SLIT2: variants seen among roughly 807,000 people sequenced by gnomAD.
SLIT2 encodes the protein slit homolog 2 protein.
SLIT2 carries 41 observed loss-of-function variants against 185.7 expected under a neutral mutation model. The ratio of observed to expected loss-of-function variants is 0.22; its 90% CI spans 0.17 to 0.29. The LOEUF (loss-of-function observed/expected upper bound fraction) is 0.29, where lower values mean the gene tolerates loss of function less well. Among genes scored for constraint, SLIT2 ranks in the 10% least tolerant of loss-of-function variants. SLIT2 has a pLI of 1.00. For missense variants in SLIT2, 1,571 were observed against 1,909.0 expected (o/e 0.82, Z 3.30); for synonymous variants, 693 against 680.2 (o/e 1.02, Z -0.29).
intron 4 of SLIT2, among the ~76,000 whole-genome samples, chr4:20,405,557 G>A (rs997990479): frequency 3.9e-5 from 6 of 151,968 alleles, no homozygotes; most frequent in Admixed American, 1.3e-4. Context: ...TGTGCTTGCC[G>A]TTCTTCACTC....
intron 25 of SLIT2, among the ~76,000 whole-genome samples, chr4:20,551,734 C>G (rs16869756): frequency 1.3e-5 from 2 of 152,066 alleles, no homozygotes; most frequent in African/African-American, 4.8e-5. Flanking sequence ...GCCATATCCT[C>G]TCCTGGTTTT....
intron 4 of SLIT2, among the ~76,000 whole-genome samples, chr4:20,374,949 A>G (rs1033693605): frequency 4.6e-5 from 7 of 152,124 alleles, no homozygotes; most frequent in Non-Finnish European, 8.8e-5. Context: ...TACAGTTGTT[A>G]GATTTGTTGT....
chr4:20,259,455 A>G (rs566876816), intron 3 of SLIT2, among the ~76,000 whole-genome samples: 1 of 151,866 alleles, frequency 6.6e-6, no homozygotes, highest in African/African-American at 2.4e-5. Flanking sequence ...TTAGTTGTTA[A>G]CTTCCAAACC....
chr4:20,435,199 CT>C (rs1359134279), intron 4 of SLIT2, among the ~76,000 whole-genome samples: 1 of 152,144 alleles, frequency 6.6e-6, no homozygotes, highest in African/African-American at 2.4e-5. Context: ...TATGTGCAAC[CT>C]TTTGCTAGGG....
intron 26 of SLIT2, among the ~76,000 whole-genome samples, chr4:20,555,649 A>T (rs1724189871): frequency 6.6e-6 from 1 of 152,008 alleles, no homozygotes; most frequent in African/African-American, 2.4e-5. Context: ...TCCTATACAT[A>T]CCCTCAACGT....
At chr4:20,335,752 G>T (rs564394330) in intron 4 of SLIT2, among the ~76,000 whole-genome samples, 1 of 152,076 alleles carries the variant, frequency 6.6e-6, no homozygotes, top group Non-Finnish European at 1.5e-5. Context: ...GTATTTAAAT[G>T]GGGCTATAAC....
At chr4:20,350,479 T>C (rs1721781631) in intron 4 of SLIT2, among the ~76,000 whole-genome samples, 1 of 152,198 alleles carries the variant, frequency 6.6e-6, no homozygotes, top group South Asian at 2.1e-4. Flanking sequence ...TATATCACTA[T>C]GGCTCATCTC....
chr4:20,524,933 A>G (rs898326103), intron 14 of SLIT2, among the ~76,000 whole-genome samples: 1 of 152,154 alleles, frequency 6.6e-6, no homozygotes, highest in Non-Finnish European at 1.5e-5. Flanking sequence ...TTAATTTCAT[A>G]CTAAAAAGCT....
chr4:20,340,487 TGGATGTTTA>T (rs1158619794), intron 4 of SLIT2, among the ~76,000 whole-genome samples: 1 of 152,226 alleles, frequency 6.6e-6, no homozygotes, highest in Non-Finnish European at 1.5e-5. Flanking sequence ...ACTTCTCTTC[TGGATGTTTA>T]GGACATATTA....
rs1385545824 is a variant in SLIT2 at position 20,391,062 on chromosome 4, C to G, written c.396-76690C>G. Among the ~76,000 whole-genome samples the G allele has an allele frequency of 3.2e-4, 49 of 151,992 alleles. 1 individual carries two copies. Among genetic ancestry groups the G allele is most frequent in the Admixed American group, 3.2e-3 (49 of 15,212 alleles). ...ACATACTGTGCTTCAGGGAAGTATG[C>G]ATACAAGTTGCTTTTATCATAAATA... On this transcript the variant is annotated intron_variant, in intron 4 of 36. Transcript: ENST00000504154.
chr4:20,511,746 A>G (rs1277215359), intron 11 of SLIT2, among the ~76,000 whole-genome samples: 1 of 151,700 alleles, frequency 6.6e-6, no homozygotes, highest in East Asian at 1.9e-4. Context: ...TATTTCTAAA[A>G]GAAAAAGAAA....
chr4:20,369,532 C>T (rs940002738), intron 4 of SLIT2, among the ~76,000 whole-genome samples: 4 of 152,000 alleles, frequency 2.6e-5, no homozygotes, highest in African/African-American at 7.2e-5. Context: ...ACTCTCAGGC[C>T]CCTTACGGAA....
chr4:20,476,186 T>C (rs1716088593), intron 5 of SLIT2, among the ~76,000 whole-genome samples: 1 of 152,176 alleles, frequency 6.6e-6, no homozygotes, highest in Non-Finnish European at 1.5e-5. Context: ...TTTAAAAGCA[T>C]GATTGGCATA....
intron 9 of SLIT2, among the ~76,000 whole-genome samples, chr4:20,497,907 A>T (rs1718375057): frequency 1.3e-5 from 2 of 152,078 alleles, no homozygotes; most frequent in Non-Finnish European, 2.9e-5. Flanking sequence ...GGCGTGCTGG[A>T]TCACGCCTGT....
At chr4:20,526,125 A>G (rs1721270664) in intron 15 of SLIT2, among the ~76,000 whole-genome samples, 1 of 152,198 alleles carries the variant, frequency 6.6e-6, no homozygotes. Flanking sequence ...AGATATTTCT[A>G]CAGCGTTAGT....
intron 26 of SLIT2, among the ~76,000 whole-genome samples, chr4:20,566,638 T>G (rs769160131): frequency 9.2e-5 from 14 of 152,160 alleles, no homozygotes; most frequent in Non-Finnish European, 1.8e-4. Context: ...CATCACATAT[T>G]GTGCAAATGA....
rs140418655 is a variant in SLIT2, at chr4:20,490,495, G to C, written c.776-1266G>C. Among the ~76,000 whole-genome samples, 445 of 152,196 alleles carry C rather than the reference G, an allele frequency of 2.9e-3. 1 individual carries two copies. Among genetic ancestry groups the C allele is most frequent in the African/African-American group, 0.01 (420 of 41,534 alleles). On this transcript the variant is annotated intron_variant, in intron 8 of 36. Coordinates refer to ENST00000504154, the MANE Select transcript of SLIT2 (RefSeq NM_004787.4). Reference sequence around the variant, plus strand: ...TATGGTTGGTTCTGCTTCAGCTTCAGAAGTATCTGTTCAAAATACAACAAA... The same window carrying C: ...TATGGTTGGTTCTGCTTCAGCTTCACAAGTATCTGTTCAAAATACAACAAA...
At chr4:20,552,248 C>T (rs994430871) in intron 25 of SLIT2, among the ~76,000 whole-genome samples, 5 of 152,150 alleles carry the variant, frequency 3.3e-5, no homozygotes, top group African/African-American at 1.2e-4. Context: ...AAAGGCTTCA[C>T]AGGAAAGGTG....
intron 4 of SLIT2, among the ~76,000 whole-genome samples, chr4:20,385,300 C>T (rs889092488): frequency 1.3e-5 from 2 of 152,302 alleles, no homozygotes; most frequent in South Asian, 4.2e-4. Context: ...TCTAATTCCT[C>T]TAACAGATAT....
Sources: allele counts gnomAD v4.1 joint callset (sites outside exome capture counted in the v4.1 genomes callset), GRCh38; gene constraint gnomAD v4.1.1; transcripts MANE v1.5; gene names NCBI Gene and HGNC (gene_info 2026-07-23, HGNC 2026-07-21).